Variants in BCKDHB observed in about 807,000 individuals in gnomAD.
The protein encoded by BCKDHB is 2-oxoisovalerate dehydrogenase subunit beta, mitochondrial.
Under a neutral mutation model 48.5 loss-of-function variants are expected in BCKDHB, and 41 were observed. The observed-to-expected ratio is 0.85, with a 90% CI of 0.66 to 1.10. The LOEUF is 1.10. Ranked by LOEUF, BCKDHB falls within the 50% of genes least tolerant of loss-of-function variation. The pLI is 0.00. For synonymous variants in BCKDHB, 201 were observed against 174.8 expected, an observed-to-expected ratio of 1.15 and a Z score of -1.18; for missense variants, 496 against 494.2, an observed-to-expected ratio of 1.00 and a Z score of -0.03.
chr6:80,368,010 T>C, the BCKDHB span, among the ~76,000 whole-genome samples: 4,864 of 152,342 alleles, frequency 0.032, 281 homozygotes, highest in African/African-American at 0.11. Context: ...TGAGATTGCA[T>C]AGGCCACACA....
At chr6:80,141,625 A>G (rs1260908075) in intron 3 of BCKDHB, among the ~76,000 whole-genome samples, 10 of 152,144 alleles carry the variant, frequency 6.6e-5, no homozygotes, top group Admixed American at 6.6e-4. Flanking sequence ...GTGAGCACCA[A>G]TAGGGGCTTG....
At chr6:80,455,033 T>C in the BCKDHB span, among the ~76,000 whole-genome samples, 1 of 152,172 alleles carries the variant, frequency 6.6e-6, no homozygotes, top group African/African-American at 2.4e-5. Flanking sequence ...TATTTCCTAT[T>C]TTACACAGAG....
At chr6:80,333,410 G>T (rs1541208) in intron 9 of BCKDHB, among the ~76,000 whole-genome samples, 3 of 152,056 alleles carry the variant, frequency 2.0e-5, no homozygotes, top group Non-Finnish European at 2.9e-5. Flanking sequence ...ATTTAGTCTG[G>T]GTAACTAAAT....
At chr6:80,168,555 GAGGA>G (rs1430810087) in intron 4 of BCKDHB, among the ~76,000 whole-genome samples, 3 of 124,218 alleles carry the variant, frequency 2.4e-5, no homozygotes, top group African/African-American at 6.3e-5. Flanking sequence ...GGGAGGGAGG[GAGGA>G]AGGAAGGAAG....
At chr6:80,458,946 A>G in the BCKDHB span, among the ~76,000 whole-genome samples, 6 of 152,198 alleles carry the variant, frequency 3.9e-5, no homozygotes, top group African/African-American at 1.4e-4. Context: ...ACTTGTCAGG[A>G]TGACTATTAT....
the BCKDHB span, among the ~76,000 whole-genome samples, chr6:80,439,336 G>A: frequency 6.6e-6 from 1 of 152,058 alleles, no homozygotes; most frequent in South Asian, 2.1e-4. Flanking sequence ...AAAAAAGATG[G>A]CATTTCATAA....
In BCKDHB at chr6:80,208,888, A is replaced by G. The variant is rs909685352; in HGVS notation, c.951+5676A>G. On this transcript the variant is annotated intron_variant, in intron 8 of 9. Transcript: ENST00000320393. ...TTACGGAGAGTGGAATCAAAGAGAA[A>G]ACTTTCAAATTCTTTTTATAAGGCC... is the stretch of plus-strand genomic sequence containing the variant. Among the ~76,000 whole-genome samples the G allele has an allele frequency of 2.0e-5, 3 of 151,870 alleles. No individual in the cohort carries two copies. The East Asian group carries it at 5.8e-4, about 29-fold the overall frequency.
the BCKDHB span, among the ~76,000 whole-genome samples, chr6:80,416,801 C>A: frequency 6.7e-6 from 1 of 149,114 alleles, no homozygotes; most frequent in African/African-American, 2.5e-5. Context: ...TATTATTATA[C>A]TTTAAGTTTT....
chr6:80,431,636 T>C, the BCKDHB span, among the ~76,000 whole-genome samples: 1 of 152,204 alleles, frequency 6.6e-6, no homozygotes, highest in Admixed American at 6.5e-5. Flanking sequence ...GAGATTAGGA[T>C]TGCAATTCCT....
At chr6:80,420,889 ATC>A in the BCKDHB span, among the ~76,000 whole-genome samples, 1 of 152,142 alleles carries the variant, frequency 6.6e-6, no homozygotes, top group Non-Finnish European at 1.5e-5. Flanking sequence ...AACCAAAGTG[ATC>A]TCTCTTAGAA....
chr6:80,267,174 T>C (rs940498350), intron 8 of BCKDHB, among the ~76,000 whole-genome samples: 1 of 152,072 alleles, frequency 6.6e-6, no homozygotes, highest in Non-Finnish European at 1.5e-5. Context: ...AAACTTGTAA[T>C]TTAGAGTGAG....
the BCKDHB span, among the ~76,000 whole-genome samples, chr6:80,460,375 G>A: frequency 6.6e-6 from 1 of 152,188 alleles, no homozygotes; most frequent in Non-Finnish European, 1.5e-5. Context: ...TAATGCAGAG[G>A]CACTTGCTTT....
At chr6:80,359,194 C>A in the BCKDHB span, among the ~76,000 whole-genome samples, 2 of 152,312 alleles carry the variant, frequency 1.3e-5, no homozygotes, top group Non-Finnish European at 2.9e-5. Flanking sequence ...CTCCCAAAGC[C>A]TCTCCCTCTC....
the BCKDHB span, among the ~76,000 whole-genome samples, chr6:80,371,314 T>G: frequency 6.6e-6 from 1 of 152,166 alleles, no homozygotes; most frequent in Non-Finnish European, 1.5e-5. Context: ...ATTCATGTCC[T>G]TAGCCCATTT....
In BCKDHB at chr6:80,136,671, A is replaced by C. The variant is rs138652918; in HGVS notation, c.343+7442A>C. Among the ~76,000 whole-genome samples, 216 of 152,282 alleles carry C rather than the reference A, an allele frequency of 1.4e-3. 1 individual carries two copies. The highest frequency in any genetic ancestry group is 5.1e-3 in the African/African-American group (211 of 41,574). On this transcript the variant is annotated intron_variant, in intron 3 of 9. Coordinates refer to ENST00000320393, the MANE Select transcript of BCKDHB (RefSeq NM_183050.4). The stretch of plus-strand genomic sequence containing the variant: ...TTAACAGGGAAAAAAGGCAGTTCAC[A>C]GAATGGGAGAAAATACTTGCAAATC...
chr6:80,142,614 T>C lies in BCKDHB; in HGVS notation c.343+13385T>C, dbSNP rs147828819. On this transcript the variant is annotated intron_variant, in intron 3 of 9. Transcript: ENST00000320393. ...ATTTGAAAAATACAGTAGTGCTTAC[T>C]CTGACTCTCTCTATTCATGCTTTTG... is the stretch of plus-strand genomic sequence containing the variant. Among the ~76,000 whole-genome samples the C allele has an allele frequency of 1.7e-3, 265 of 152,268 alleles. 1 individual carries two copies. Among genetic ancestry groups the C allele is most frequent in the African/African-American group, 6.0e-3 (251 of 41,582 alleles).
In BCKDHB at chr6:80,171,297, A is replaced by C; in HGVS notation, c.649A>C (p.Ser217Arg). 1.2e-6 allele frequency: 2 copies of C among 1,608,150 alleles called. No homozygotes were observed. The highest frequency in any genetic ancestry group is 1.7e-6 in the Non-Finnish European group (2 of 1,176,980). The change falls in exon 6 of 10, where the codon AGC becomes CGC. Residue 217 changes from serine to arginine, a missense_variant. By Grantham distance (110) the Ser-to-Arg change is moderately radical. Coordinates refer to ENST00000320393, the MANE Select transcript of BCKDHB (RefSeq NM_183050.4). Reference protein sequence around the residue: ...CPGIKVVIPRSPFQAKGLLLS... With the variant: ...CPGIKVVIPRRPFQAKGLLLS... ...GTTTTTGCAGGTGGTTATACCCAGA[A>C]GCCCTTTCCAGGCCAAAGGACTTCT...
At chr6:80,212,760 TC>T in intron 8 of BCKDHB, among the ~76,000 whole-genome samples, 1 of 152,304 alleles carries the variant, frequency 6.6e-6, no homozygotes, top group East Asian at 1.9e-4. Flanking sequence ...AGCTGGCCCC[TC>T]CATTCGGGTT....
chr6:80,290,906 A>G (rs1478791020), intron 9 of BCKDHB, among the ~76,000 whole-genome samples: 1 of 152,224 alleles, frequency 6.6e-6, no homozygotes. Context: ...TAACTTGTTG[A>G]CATTGTATGG....
Sources: allele counts gnomAD v4.1 joint callset (sites outside exome capture counted in the v4.1 genomes callset), GRCh38; gene constraint gnomAD v4.1.1; transcripts MANE v1.5; gene names NCBI Gene and HGNC (gene_info 2026-07-23, HGNC 2026-07-21).